DTWD2: variants seen among roughly 807,000 people sequenced by gnomAD.
DTWD2 encodes DTW motif tRNA-uridine aminocarboxypropyltransferase 2.
In DTWD2, 39 loss-of-function variants were observed where a neutral mutation model predicts 31.8. That is an observed-to-expected ratio of 1.22 (90% CI 0.95 to 1.60). The LOEUF is 1.60. DTWD2 is among the 40% of genes most tolerant of loss of function. DTWD2 has a pLI of 0.00. For synonymous variants in DTWD2, 180 were observed against 142.8 expected (o/e 1.26, Z -1.86); for missense variants, 515 against 381.5 (o/e 1.35, Z -2.92).
chr5:118,922,845 C>T (rs1207519551), intron 4 of DTWD2, among the ~76,000 whole-genome samples: 1 of 152,156 alleles, frequency 6.6e-6, no homozygotes, highest in Non-Finnish European at 1.5e-5. Context: ...GTATCACTCT[C>T]CACCCCAACC....
At chr5:118,973,453 G>T (rs1018354809) in intron 1 of DTWD2, among the ~76,000 whole-genome samples, 1 of 152,156 alleles carries the variant, frequency 6.6e-6, no homozygotes, top group Non-Finnish European at 1.5e-5. Flanking sequence ...AGGCCTGGTG[G>T]TGACAAAATC....
Position 118,875,974 on chromosome 5 carries a change from T to C in DTWD2, c.598-27756A>G, listed in dbSNP as rs1012201296. Among the ~76,000 whole-genome samples, 8 of 152,142 alleles carry C rather than the reference T, an allele frequency of 5.3e-5. No individual in the cohort carries two copies. The South Asian group carries it at 1.2e-3, about 24-fold the overall frequency. On this transcript the variant is annotated intron_variant, in intron 4 of 5. Coordinates refer to ENST00000510708, the MANE Select transcript of DTWD2 (RefSeq NM_173666.4). Reference sequence around the variant, plus strand: ...CAGAAGTAAAACACTCTTCGGCAAATGCAAAAGAACTAAAATTACAACAAG... The same window carrying C: ...CAGAAGTAAAACACTCTTCGGCAAACGCAAAAGAACTAAAATTACAACAAG...
At chr5:118,913,624 G>GT (rs1753509648) in intron 4 of DTWD2, among the ~76,000 whole-genome samples, 1 of 151,844 alleles carries the variant, frequency 6.6e-6, no homozygotes, top group Non-Finnish European at 1.5e-5. Context: ...TGAAATCTTT[G>GT]TATCTTCCTG....
In DTWD2 at chr5:118,837,238, T is replaced by C. The variant is rs1227093859; in HGVS notation, c.*3679A>G. 1 of 152,150 alleles carries C rather than the reference T, an allele frequency of 6.6e-6. No individual in the cohort carries two copies. The highest frequency in any genetic ancestry group is 1.5e-5 in the Non-Finnish European group (1 of 68,022). 9.4% of individuals were successfully genotyped at this position (152,150 alleles called of 1,614,324 possible). On this transcript the variant is annotated 3_prime_UTR_variant, in exon 6 of 6. Coordinates refer to ENST00000510708, the MANE Select transcript of DTWD2 (RefSeq NM_173666.4). ...TTTAAGTTAATGTAGCTAATAAAAA[T>C]TTAGATTGGACAATTTAAGAGAGTA...
intron 4 of DTWD2, among the ~76,000 whole-genome samples, chr5:118,895,303 G>A (rs1172248979): frequency 6.6e-6 from 1 of 152,042 alleles, no homozygotes; most frequent in African/African-American, 2.4e-5. Flanking sequence ...ATTTCATCAA[G>A]GATGTTACAG....
intron 4 of DTWD2, among the ~76,000 whole-genome samples, chr5:118,923,818 A>T (rs1753755058): frequency 6.6e-6 from 1 of 152,188 alleles, no homozygotes; most frequent in Non-Finnish European, 1.5e-5. Context: ...AACTCAGGGT[A>T]ACTCGGATCT....
intron 4 of DTWD2, among the ~76,000 whole-genome samples, chr5:118,883,897 C>A (rs1346277076): frequency 6.6e-6 from 1 of 152,134 alleles, no homozygotes; most frequent in Non-Finnish European, 1.5e-5. Context: ...AAAAATGACA[C>A]TTGAAAATGG....
At chr5:118,939,337 C>T in intron 2 of DTWD2, 47 bp from the exon 3 acceptor site, 1 of 1,438,996 alleles carries the variant, frequency 6.9e-7, no homozygotes, top group Non-Finnish European at 9.3e-7. Flanking sequence ...CTTAGATATA[C>T]ACACTTTTAA....
chr5:118,962,750 C>G (rs2149593904), intron 1 of DTWD2, among the ~76,000 whole-genome samples: 1 of 152,294 alleles, frequency 6.6e-6, no homozygotes, highest in Middle Eastern at 3.4e-3. Context: ...TACTTTAATT[C>G]TCACAAAACC....
chr5:118,983,723 C>T (rs150135106), intron 1 of DTWD2, among the ~76,000 whole-genome samples: 119 of 152,328 alleles, frequency 7.8e-4, no homozygotes, highest in Non-Finnish European at 8.8e-4. Context: ...ACTGTGCAAA[C>T]AAAATCTTAA....
intron 1 of DTWD2, among the ~76,000 whole-genome samples, chr5:118,972,824 G>A (rs1282913128): frequency 6.6e-6 from 1 of 152,124 alleles, no homozygotes; most frequent in African/African-American, 2.4e-5. Flanking sequence ...TTCAACATAC[G>A]TGAATCCATA....
At chr5:118,863,128 A>G (rs997984674) in intron 4 of DTWD2, among the ~76,000 whole-genome samples, 6 of 152,208 alleles carry the variant, frequency 3.9e-5, no homozygotes, top group Admixed American at 1.3e-4. Context: ...GGCAACCTCA[A>G]TAACACAAGT....
chr5:118,974,237 C>G, intron 1 of DTWD2: 1 of 975,428 alleles, frequency 1.0e-6, no homozygotes, highest in Non-Finnish European at 1.6e-6. Context: ...GAGGCCCGCC[C>G]GCCCACCGTG....
At chr5:118,958,031 T>A (rs1039956947) in intron 1 of DTWD2, among the ~76,000 whole-genome samples, 1 of 152,208 alleles carries the variant, frequency 6.6e-6, no homozygotes, top group East Asian at 1.9e-4. Context: ...CTAATTTTTT[T>A]AAATCAACTG....
intron 4 of DTWD2, among the ~76,000 whole-genome samples, chr5:118,863,023 G>C (rs1304402906): frequency 6.6e-6 from 1 of 151,898 alleles, no homozygotes; most frequent in Non-Finnish European, 1.5e-5. Context: ...TGCTGACTTA[G>C]CCAAACCTGA....
chr5:118,970,531 G>C (rs1284775143), intron 1 of DTWD2, among the ~76,000 whole-genome samples: 2 of 152,206 alleles, frequency 1.3e-5, no homozygotes, highest in Non-Finnish European at 2.9e-5. Context: ...ACCTGAAAGA[G>C]ACAGGAAAAT....
chr5:118,920,760 G>C (rs142999735), intron 4 of DTWD2, among the ~76,000 whole-genome samples: 1 of 152,096 alleles, frequency 6.6e-6, no homozygotes, highest in Non-Finnish European at 1.5e-5. Flanking sequence ...CATAAGATTA[G>C]TCTGTTTATA....
rs937306885 is a variant in DTWD2 at position 118,838,592 on chromosome 5, T to C, written c.*2325A>G. The C allele has an allele frequency of 2.6e-5, 4 of 152,180 alleles. No individual in the cohort carries two copies. The highest frequency in any genetic ancestry group is 1.3e-4 in the Admixed American group (2 of 15,266). The allele number at this position is 152,180 out of a possible 1,614,324, so 9.4% of individuals were successfully genotyped here. A position where few individuals can be genotyped will look rare whatever the true frequency, so the allele number is the denominator to read the frequency against. On this transcript the variant is annotated 3_prime_UTR_variant, in exon 6 of 6. Coordinates refer to ENST00000510708, the MANE Select transcript of DTWD2 (RefSeq NM_173666.4). The stretch of plus-strand genomic sequence containing the variant: ...AGAACAGGTGACTAGAGAAGCATTT[T>C]ATACCACAGATGATTAAATGGACTC...
intron 4 of DTWD2, among the ~76,000 whole-genome samples, chr5:118,863,492 C>A (rs1175733474): frequency 6.6e-6 from 1 of 152,198 alleles, no homozygotes; most frequent in Non-Finnish European, 1.5e-5. Flanking sequence ...TTTGAGTCAA[C>A]TGCATATCTA....
Sources: allele counts gnomAD v4.1 joint callset (sites outside exome capture counted in the v4.1 genomes callset), GRCh38; gene constraint gnomAD v4.1.1; transcripts MANE v1.5; gene names NCBI Gene and HGNC (gene_info 2026-07-23, HGNC 2026-07-21).